Variants in FAM178B observed in about 807,000 individuals in gnomAD.
FAM178B encodes the protein protein FAM178B.
In FAM178B, 82 loss-of-function variants were observed where a neutral mutation model predicts 91.7. That is an observed-to-expected ratio of 0.89 (90% CI 0.75 to 1.07). The LOEUF is 1.07. Ranked by LOEUF, FAM178B falls within the 50% of genes least tolerant of loss-of-function variation. FAM178B has a pLI of 0.00. For synonymous variants in FAM178B, 368 were observed against 359.4 expected (o/e 1.02, Z -0.27); for missense variants, 769 against 846.7 (o/e 0.91, Z 1.14).
chr2:96,905,923 A>G (rs2081046538), intron 12 of FAM178B, among the ~76,000 whole-genome samples: 3 of 122,952 alleles, frequency 2.4e-5, no homozygotes, highest in South Asian at 5.2e-4. Context: ...CCAGACTGGC[A>G]TGCAATGGTG....
At chr2:96,928,176 C>G (rs1395574248) in intron 9 of FAM178B, among the ~76,000 whole-genome samples, 2 of 152,174 alleles carry the variant, frequency 1.3e-5, no homozygotes, top group Non-Finnish European at 2.9e-5. Flanking sequence ...GAAGGGGGGC[C>G]TGGCACCTCC....
chr2:96,879,339 T>C (rs928950580), intron 14 of FAM178B, among the ~76,000 whole-genome samples: 6 of 152,076 alleles, frequency 3.9e-5, no homozygotes, highest in African/African-American at 1.4e-4. Flanking sequence ...AGAGGCGGGC[T>C]CTAGAAATGC....
chr2:96,921,436 G>A (rs1421175622), intron 11 of FAM178B, 42 bp downstream of exon 11: 1 of 1,550,124 alleles, frequency 6.5e-7, no homozygotes, highest in South Asian at 1.2e-5. Flanking sequence ...TTGGTCCCTA[G>A]TGATGAAGCT....
intron 13 of FAM178B, among the ~76,000 whole-genome samples, chr2:96,899,000 G>A (rs945029246): frequency 1.3e-5 from 2 of 152,192 alleles, no homozygotes; most frequent in Admixed American, 6.5e-5. Flanking sequence ...CTGTGGGGAC[G>A]AGGTGGCCCT....
At chr2:96,950,003 C>T in intron 7 of FAM178B, 2 of 985,886 alleles carry the variant, frequency 2.0e-6, no homozygotes, top group Non-Finnish European at 2.4e-6. Context: ...CTGGGTCCTG[C>T]ACTCCTCTCC....
chr2:96,944,992 C>T (rs1474672455), intron 8 of FAM178B, among the ~76,000 whole-genome samples: 1 of 152,182 alleles, frequency 6.6e-6, no homozygotes, highest in Admixed American at 6.5e-5. Flanking sequence ...CCGTTGCCTC[C>T]TTTCTGTCTC....
At chr2:96,878,608 T>C in intron 14 of FAM178B, 115 bp from the exon 15 acceptor site, 1 of 910,190 alleles carries the variant, frequency 1.1e-6, no homozygotes, top group South Asian at 1.4e-5. Context: ...AGGGGCTCAG[T>C]CACCCCTAGG....
intron 14 of FAM178B, among the ~76,000 whole-genome samples, chr2:96,891,066 A>G (rs1000258786): frequency 2.0e-5 from 3 of 152,208 alleles, no homozygotes; most frequent in African/African-American, 4.8e-5. Flanking sequence ...TATAGTCCAT[A>G]TAAGCTCTGC....
intron 5 of FAM178B, among the ~76,000 whole-genome samples, chr2:96,963,072 C>A (rs1260335680): frequency 6.6e-6 from 1 of 152,190 alleles, no homozygotes; most frequent in East Asian, 1.9e-4. Flanking sequence ...ACGTCATGCG[C>A]CCAGCAAATT....
At chr2:96,902,515 T>A in intron 13 of FAM178B, 105 bp downstream of exon 13, 2 of 775,396 alleles carry the variant, frequency 2.6e-6, no homozygotes, top group Non-Finnish European at 4.5e-6. Context: ...AGTAGAGAGT[T>A]CAGAGCCAGC....
intron 1 of FAM178B, among the ~76,000 whole-genome samples, chr2:96,979,916 T>G (rs1483129721): frequency 6.6e-6 from 1 of 152,228 alleles, no homozygotes; most frequent in Admixed American, 6.5e-5. Context: ...AATAGGTATG[T>G]CCATTATAGT....
chr2:96,915,778 T>G (rs930607756), intron 12 of FAM178B, among the ~76,000 whole-genome samples: 2 of 149,752 alleles, frequency 1.3e-5, no homozygotes, highest in African/African-American at 4.9e-5. Context: ...ACTGTGCCAT[T>G]GCACTCCAGC....
intron 12 of FAM178B, among the ~76,000 whole-genome samples, chr2:96,911,675 T>A (rs946348677): frequency 6.6e-6 from 1 of 152,188 alleles, no homozygotes; most frequent in Non-Finnish European, 1.5e-5. Flanking sequence ...TGGGATGCTC[T>A]GGCGGAAATC....
At chr2:96,970,131 A>G (rs1368765211) in intron 4 of FAM178B, among the ~76,000 whole-genome samples, 4 of 151,938 alleles carry the variant, frequency 2.6e-5, no homozygotes, top group Non-Finnish European at 5.9e-5. Context: ...AGCCACCTGC[A>G]CCTCCCTAGG....
Position 96,902,656 on chromosome 2 carries a change from C to T in FAM178B, c.1614G>A (p.Gln538=), listed in dbSNP as rs2080956180. 1.3e-6 allele frequency: 2 copies of T among 1,550,800 alleles called. No individual in the cohort carries two copies. The highest frequency in any genetic ancestry group is 1.2e-5 in the South Asian group (1 of 84,070). ...CTTGCCAGAGAGGGAGCATCTCCTG[C>T]TGGCCCAGCATTCGAGCAATGACCA... ...SLVVIARMLG[Q]QEMLPLWQEK... Residue 538 remains glutamine, a synonymous_variant, in exon 13 of 17, where the codon CAG becomes CAA. Coordinates refer to ENST00000490605, the MANE Select transcript of FAM178B (RefSeq NM_001122646.3).
In FAM178B at chr2:96,971,986, T is replaced by C; in HGVS notation, c.479A>G (p.Asp160Gly). ...GGCCAGGCCCCTCTTCGGGTCCAAG[T>C]CCAGGTGTTCCTGCTCCAACTCCTC... ...LPEELEQEHL[D>G]LDPKRGLALP... is the part of the protein sequence containing the mutation. Residue 160 changes from aspartate (D) to glycine (G), a missense_variant, in exon 3 of 17, where the codon GAC becomes GGC. Coordinates refer to ENST00000490605, the MANE Select transcript of FAM178B (RefSeq NM_001122646.3). The C allele has an allele frequency of 6.4e-7, 1 of 1,562,326 alleles. No homozygotes were observed. The highest frequency in any genetic ancestry group is 1.9e-5 in the Admixed American group (1 of 51,884).
chr2:96,904,865 G>C (rs1474356774), intron 12 of FAM178B, among the ~76,000 whole-genome samples: 1 of 152,052 alleles, frequency 6.6e-6, no homozygotes, highest in Non-Finnish European at 1.5e-5. Context: ...CCGGGTTTAA[G>C]CGATTCTCCT....
chr2:96,927,910 C>T (rs1029046143), intron 9 of FAM178B, among the ~76,000 whole-genome samples: 5 of 152,218 alleles, frequency 3.3e-5, no homozygotes, highest in African/African-American at 7.2e-5. Flanking sequence ...AATTCTCTCC[C>T]CCGCTCATCC....
At chr2:96,890,746 G>T (rs1029551288) in intron 14 of FAM178B, among the ~76,000 whole-genome samples, 9 of 152,058 alleles carry the variant, frequency 5.9e-5, no homozygotes, top group Non-Finnish European at 1.2e-4. Context: ...GGTATCCATG[G>T]GCCAAAGGGA....
Sources: gnomAD v4.1 joint callset for allele counts (sites outside exome capture counted in the v4.1 genomes callset) on GRCh38, gnomAD v4.1.1 for gene constraint, MANE v1.5 for transcripts, NCBI Gene and HGNC (gene_info 2026-07-23, HGNC 2026-07-21) for gene names.